Variants in AOPEP observed in about 807,000 individuals in gnomAD.
AOPEP encodes aminopeptidase O.
AOPEP carries 77 observed loss-of-function variants against 98.1 expected under a neutral mutation model. The ratio of observed to expected loss-of-function variants is 0.78; its 90% CI spans 0.65 to 0.95. AOPEP has a LOEUF of 0.95. Ranked by LOEUF, AOPEP falls within the 40% of genes least tolerant of loss-of-function variation. The pLI is 0.00. For missense variants in AOPEP, 1,024 were observed against 1,024.7 expected (o/e 1.00, Z 0.01); for synonymous variants, 346 against 365.3 (o/e 0.95, Z 0.60).
intron 6 of AOPEP, among the ~76,000 whole-genome samples, chr9:94,924,835 A>G (rs7019714): frequency 0.01 from 1,590 of 152,340 alleles, 34 homozygotes; most frequent in African/African-American, 0.036. Flanking sequence ...AAGTTTACTA[A>G]TTTAAAAAAT....
intron 7 of AOPEP, among the ~76,000 whole-genome samples, chr9:94,948,333 C>T (rs2057838055): frequency 6.6e-6 from 1 of 151,916 alleles, no homozygotes; most frequent in Non-Finnish European, 1.5e-5. Context: ...CTCACCGTTG[C>T]ATGCTCTCCA....
Position 94,928,471 on chromosome 9 carries a change from T to A in AOPEP, c.1601T>A (p.Leu534Gln), listed in dbSNP as rs2054734573. ...GAGCAGCAGGAGCTGAGGGCTTGTCTGCGCTGGCGTCGCCTCCAGGACGAG... is the reference window on the plus strand; with the variant it reads ...GAGCAGCAGGAGCTGAGGGCTTGTCAGCGCTGGCGTCGCCTCCAGGACGAG... ...AREQQELRACLRWRRLQDEMQ... is the reference protein window; with the variant it reads ...AREQQELRACQRWRRLQDEMQ... Residue 534 changes from leucine (L) to glutamine (Q), a missense_variant, in exon 7 of 17, where the codon CTG (leucine) becomes CAG (glutamine). Transcript: ENST00000375315. The A allele has an allele frequency of 6.5e-7, 1 of 1,550,266 alleles. No individual in the cohort carries two copies. Among genetic ancestry groups the A allele is most frequent in the East Asian group, 2.4e-5 (1 of 40,910 alleles).
chr9:94,752,372 C>T (rs983179672), intron 1 of AOPEP, among the ~76,000 whole-genome samples: 6 of 152,074 alleles, frequency 3.9e-5, no homozygotes, highest in African/African-American at 1.2e-4. Context: ...CACACACACA[C>T]ACACACACAC....
intron 5 of AOPEP, among the ~76,000 whole-genome samples, chr9:94,892,339 A>T (rs1025602827): frequency 2.0e-5 from 3 of 152,052 alleles, no homozygotes; most frequent in African/African-American, 7.2e-5. Context: ...AGCAGTGTTC[A>T]TTTTTTTCTA....
At chr9:94,872,413 G>A (rs977285221) in intron 5 of AOPEP, among the ~76,000 whole-genome samples, 3 of 152,102 alleles carry the variant, frequency 2.0e-5, no homozygotes, top group Non-Finnish European at 2.9e-5. Context: ...GCCCAAACCC[G>A]GGGCTCATGA....
At chr9:94,958,440 A>C (rs1396326108) in intron 9 of AOPEP, among the ~76,000 whole-genome samples, 1 of 152,212 alleles carries the variant, frequency 6.6e-6, no homozygotes, top group African/African-American at 2.4e-5. Context: ...CAATAATTCT[A>C]TGTTTAGCTT....
chr9:94,800,701 A>G (rs1848027028), intron 4 of AOPEP, 56 bp from the exon 5 acceptor site: 2 of 1,596,580 alleles, frequency 1.3e-6, no homozygotes, highest in African/African-American at 2.7e-5. Flanking sequence ...AGATTGCCTC[A>G]CCTCCACAGC....
At position 94,955,236 on chromosome 9, in the gene AOPEP, G is replaced by T; in HGVS notation, c.1721G>T (p.Gly574Val). 1.9e-6 allele frequency: 3 copies of T among 1,613,746 alleles called. No homozygotes were observed. The highest frequency in any genetic ancestry group is 1.7e-6 in the Non-Finnish European group (2 of 1,179,926). Reference protein sequence around the residue: ...SDSGASVIKHGLNPEKIFMQV... With the variant: ...SDSGASVIKHVLNPEKIFMQV... Reference sequence around the variant, plus strand: ...TCGGGAGCATCTGTTATCAAGCATGGACTTAATCCGGAGAAGATCTTCATG... The same window carrying T: ...TCGGGAGCATCTGTTATCAAGCATGTACTTAATCCGGAGAAGATCTTCATG... The change falls in exon 8 of 17, where the codon GGA becomes GTA. Residue 574 changes from glycine to valine, a missense_variant. Physicochemically the swap from Gly to Val is moderately radical, Grantham distance 109. Coordinates refer to ENST00000375315, the MANE Select transcript of AOPEP (RefSeq NM_001193329.3).
At chr9:95,114,407 T>C in the AOPEP span, 27 of 625,880 alleles carry the variant, frequency 4.3e-5, no homozygotes, top group South Asian at 4.5e-4. Flanking sequence ...GATACAGGTA[T>C]TGGCACATGC....
At chr9:94,854,856 C>CTGACA (rs2043980885) in intron 5 of AOPEP, among the ~76,000 whole-genome samples, 2 of 152,110 alleles carry the variant, frequency 1.3e-5, no homozygotes, top group African/African-American at 4.8e-5. Flanking sequence ...AGGCACCAAA[C>CTGACA]GAGCTCTACA....
intron 5 of AOPEP, among the ~76,000 whole-genome samples, chr9:94,878,717 G>T: frequency 6.6e-6 from 1 of 152,160 alleles, no homozygotes; most frequent in East Asian, 1.9e-4. Flanking sequence ...GCCAACAGTA[G>T]TACCTTTGGC....
At chr9:95,144,455 C>T in the AOPEP span, among the ~76,000 whole-genome samples, 67 of 152,336 alleles carry the variant, frequency 4.4e-4, no homozygotes, top group South Asian at 8.5e-3. Flanking sequence ...CTTGGGGAGC[C>T]GCTGCCCTCA....
chr9:95,000,963 C>T (rs72750378), intron 11 of AOPEP, among the ~76,000 whole-genome samples: 602 of 152,158 alleles, frequency 4.0e-3, no homozygotes, highest in Non-Finnish European at 7.3e-3. Flanking sequence ...GTTTTCCCTC[C>T]GCTGTGCCTG....
At chr9:94,728,008 A>T (rs1829604040) in intron 1 of AOPEP, among the ~76,000 whole-genome samples, 1 of 152,230 alleles carries the variant, frequency 6.6e-6, no homozygotes, top group African/African-American at 2.4e-5. Flanking sequence ...CAAAATCAAG[A>T]TTTAAATTCA....
chr9:94,835,416 A>G (rs1332143717), intron 5 of AOPEP, among the ~76,000 whole-genome samples: 3 of 152,170 alleles, frequency 2.0e-5, no homozygotes, highest in East Asian at 1.9e-4. Flanking sequence ...TCTGCATATC[A>G]CTAGAAACAG....
At chr9:94,810,886 CTG>C (rs1167311044) in intron 5 of AOPEP, among the ~76,000 whole-genome samples, 1 of 152,136 alleles carries the variant, frequency 6.6e-6, no homozygotes, top group Non-Finnish European at 1.5e-5. Context: ...ATAACTGCCT[CTG>C]TTTTGTGTGT....
intron 13 of AOPEP, among the ~76,000 whole-genome samples, chr9:95,046,867 CA>C (rs1158721177): frequency 6.6e-6 from 1 of 152,182 alleles, no homozygotes; most frequent in African/African-American, 2.4e-5. Context: ...TTAAGGTAGA[CA>C]TATTAGCATT....
At chr9:95,071,206 G>A (rs1487024320) in intron 14 of AOPEP, among the ~76,000 whole-genome samples, 1 of 152,112 alleles carries the variant, frequency 6.6e-6, no homozygotes, top group East Asian at 1.9e-4. Context: ...ATACTTAACT[G>A]GTTGTTTCCC....
intron 5 of AOPEP, 62 bp from the exon 6 acceptor site, chr9:94,923,924 C>T (rs905925896): frequency 2.9e-5 from 34 of 1,174,780 alleles, no homozygotes; most frequent in Admixed American, 4.0e-5. Context: ...GCTGCCCCAT[C>T]GGATGGCCAT....
Sources: gnomAD v4.1 joint callset for allele counts (sites outside exome capture counted in the v4.1 genomes callset) on GRCh38, gnomAD v4.1.1 for gene constraint, MANE v1.5 for transcripts, NCBI Gene and HGNC (gene_info 2026-07-23, HGNC 2026-07-21) for gene names.